Variants in C8orf34 observed in about 807,000 individuals in gnomAD.
C8orf34 encodes chromosome 8 open reading frame 34.
In C8orf34, 65 loss-of-function variants were observed where a neutral mutation model predicts 68.3. The ratio of observed to expected loss-of-function variants is 0.95; its 90% CI spans 0.78 to 1.17. The LOEUF is 1.17. C8orf34 is among the 50% of genes most tolerant of loss of function. The pLI, the probability that C8orf34 is intolerant of heterozygous loss-of-function variation, is 0.00. For missense variants in C8orf34, 664 were observed against 655.4 expected (o/e 1.01, Z -0.14); for synonymous variants, 244 against 241.2 (o/e 1.01, Z -0.11).
intron 1 of C8orf34, among the ~76,000 whole-genome samples, chr8:68,340,181 AC>A (rs1269316434): frequency 6.6e-6 from 1 of 152,098 alleles, no homozygotes; most frequent in East Asian, 1.9e-4. Context: ...TGGTCCAACC[AC>A]TTTGGAAAAA....
intron 1 of C8orf34, among the ~76,000 whole-genome samples, chr8:68,381,653 A>AC (rs1808039907): frequency 7.1e-6 from 1 of 141,482 alleles, no homozygotes; most frequent in Admixed American, 7.6e-5. Context: ...AATGGCGTGA[A>AC]CCCGGGAAGC....
At chr8:68,534,308 A>G (rs575085444) in intron 7 of C8orf34, 1 of 985,434 alleles carries the variant, frequency 1.0e-6, no homozygotes, top group East Asian at 1.1e-4. Context: ...CCTCCAAATC[A>G]TTAACATGGC....
intron 13 of C8orf34, among the ~76,000 whole-genome samples, chr8:68,816,504 G>T (rs549539240): frequency 6.6e-6 from 1 of 152,206 alleles, no homozygotes; most frequent in African/African-American, 2.4e-5. Flanking sequence ...TAGAATCACA[G>T]AATATCAAAC....
At chr8:68,563,320 T>G (rs925424755) in intron 7 of C8orf34, among the ~76,000 whole-genome samples, 2 of 152,148 alleles carry the variant, frequency 1.3e-5, no homozygotes, top group Non-Finnish European at 2.9e-5. Context: ...AGCTGTCCTT[T>G]CAGATTTTAC....
At chr8:68,694,638 T>C (rs1820775525) in intron 8 of C8orf34, among the ~76,000 whole-genome samples, 2 of 152,098 alleles carry the variant, frequency 1.3e-5, no homozygotes, top group Admixed American at 1.3e-4. Flanking sequence ...ATTTCCCTAT[T>C]GTCATAAATG....
At chr8:68,361,741 T>A (rs1807009778) in intron 1 of C8orf34, among the ~76,000 whole-genome samples, 1 of 152,242 alleles carries the variant, frequency 6.6e-6, no homozygotes, top group Admixed American at 6.5e-5. Flanking sequence ...AAATATTTAA[T>A]TTATAGTAAA....
chr8:68,604,413 TAGAC>T (rs1817792107), intron 7 of C8orf34, among the ~76,000 whole-genome samples: 1 of 149,102 alleles, frequency 6.7e-6, no homozygotes, highest in African/African-American at 2.6e-5. Flanking sequence ...CAGCAAAAGA[TAGAC>T]AGCAAATCAT....
intron 10 of C8orf34, among the ~76,000 whole-genome samples, chr8:68,771,704 C>T (rs759692803): frequency 3.9e-5 from 6 of 152,044 alleles, no homozygotes; most frequent in Non-Finnish European, 7.4e-5. Context: ...ATTCTTTCCA[C>T]TTCGTCTCCT....
chr8:68,397,062 A>T (rs963204904), intron 1 of C8orf34, among the ~76,000 whole-genome samples: 2 of 151,796 alleles, frequency 1.3e-5, no homozygotes, highest in East Asian at 3.9e-4. Context: ...GCTGGAGTGC[A>T]GTGGCACGAT....
chr8:68,431,354 G>T (rs529833239), intron 1 of C8orf34, among the ~76,000 whole-genome samples: 1 of 152,166 alleles, frequency 6.6e-6, no homozygotes, highest in South Asian at 2.1e-4. Flanking sequence ...TTTTTTATGG[G>T]AACTTCTATA....
chr8:68,581,752 A>G (rs1817071282), intron 7 of C8orf34, among the ~76,000 whole-genome samples: 1 of 152,134 alleles, frequency 6.6e-6, no homozygotes, highest in Admixed American at 6.6e-5. Context: ...GCCACAGTTC[A>G]CATTCCTGAA....
intron 1 of C8orf34, among the ~76,000 whole-genome samples, chr8:68,354,599 A>G (rs1348922371): frequency 6.6e-6 from 1 of 152,058 alleles, no homozygotes; most frequent in African/African-American, 2.4e-5. Context: ...TGACTGCCAG[A>G]GTTTAGTGGA....
At chr8:68,415,330 A>T (rs190870300) in intron 1 of C8orf34, among the ~76,000 whole-genome samples, 1 of 152,274 alleles carries the variant, frequency 6.6e-6, no homozygotes, top group East Asian at 1.9e-4. Context: ...AAGGACAAAA[A>T]TTAGCTGGGT....
intron 7 of C8orf34, chr8:68,533,816 A>G (rs1032411449): frequency 1.0e-6 from 1 of 981,678 alleles, no homozygotes; most frequent in Non-Finnish European, 1.2e-6. Flanking sequence ...CATTTTTCTG[A>G]AGAAAGAAAA....
intron 3 of C8orf34, among the ~76,000 whole-genome samples, chr8:68,460,608 G>A (rs190070179): frequency 8.5e-5 from 13 of 152,206 alleles, no homozygotes; most frequent in African/African-American, 2.9e-4. Context: ...CCAGAGGAAC[G>A]ATCAGACAGC....
intron 8 of C8orf34, among the ~76,000 whole-genome samples, chr8:68,657,086 C>T (rs924653008): frequency 2.0e-5 from 3 of 152,096 alleles, no homozygotes; most frequent in African/African-American, 7.2e-5. Flanking sequence ...CTATGAATGT[C>T]CCTCATATGC....
intron 8 of C8orf34, among the ~76,000 whole-genome samples, chr8:68,682,400 A>T (rs906543556): frequency 6.6e-6 from 1 of 152,080 alleles, no homozygotes; most frequent in Non-Finnish European, 1.5e-5. Flanking sequence ...TGTTATGCAG[A>T]TTTAGATTGG....
chr8:68,663,976 A>G (rs926250598), intron 8 of C8orf34, among the ~76,000 whole-genome samples: 1 of 152,216 alleles, frequency 6.6e-6, no homozygotes, highest in Non-Finnish European at 1.5e-5. Context: ...TTGTAATGTG[A>G]ATTTTAGGCT....
chr8:68,776,064 T>C (rs567073360), intron 10 of C8orf34, among the ~76,000 whole-genome samples: 10 of 152,162 alleles, frequency 6.6e-5, no homozygotes, highest in Non-Finnish European at 1.0e-4. Context: ...GCTTAATACC[T>C]AGGTGATGGG....
Sources: gnomAD v4.1 joint callset for allele counts (sites outside exome capture counted in the v4.1 genomes callset) on GRCh38, gnomAD v4.1.1 for gene constraint, MANE v1.5 for transcripts, NCBI Gene and HGNC (gene_info 2026-07-23, HGNC 2026-07-21) for gene names.